HS3ST5: variants seen among roughly 807,000 people sequenced by gnomAD.
HS3ST5 encodes the protein heparan sulfate glucosamine 3-O-sulfotransferase 5.
Under a neutral mutation model 25.4 loss-of-function variants are expected in HS3ST5, and 10 were observed. That is an observed-to-expected ratio of 0.39 (90% CI 0.24 to 0.67). HS3ST5 has a LOEUF of 0.67. Among genes scored for constraint, HS3ST5 ranks in the 30% least tolerant of loss-of-function variants. HS3ST5 has a pLI of 0.44. For missense variants in HS3ST5, 324 were observed against 420.7 expected (o/e 0.77, Z 2.01); for synonymous variants, 170 against 162.4 (o/e 1.05, Z -0.36).
At chr6:114,086,529 G>C (rs1325971764) in intron 3 of HS3ST5, among the ~76,000 whole-genome samples, 2 of 152,168 alleles carry the variant, frequency 1.3e-5, no homozygotes, top group East Asian at 3.9e-4. Context: ...CCAGACGAGA[G>C]CACAATCCAC....
intron 3 of HS3ST5, among the ~76,000 whole-genome samples, chr6:114,064,979 A>G (rs1773365575): frequency 3.3e-5 from 5 of 152,146 alleles, no homozygotes; most frequent in Admixed American, 3.3e-4. Flanking sequence ...GTAGAGGGAA[A>G]GAGAGAAAGG....
intron 3 of HS3ST5, among the ~76,000 whole-genome samples, chr6:114,121,343 G>A (rs1031803099): frequency 2.0e-5 from 3 of 152,054 alleles, no homozygotes; most frequent in Non-Finnish European, 2.9e-5. Context: ...CTCCTAGGAC[G>A]TCCAAAAGAC....
chr6:114,298,557 C>T (rs751594606), intron 1 of HS3ST5, among the ~76,000 whole-genome samples: 6 of 152,208 alleles, frequency 3.9e-5, no homozygotes, highest in Non-Finnish European at 8.8e-5. Flanking sequence ...TGCCCAAACT[C>T]ATACGGCCAA....
At chr6:114,293,538 A>C (rs1170858686) in intron 1 of HS3ST5, among the ~76,000 whole-genome samples, 1 of 152,202 alleles carries the variant, frequency 6.6e-6, no homozygotes, top group African/African-American at 2.4e-5. Flanking sequence ...TGTTGTAGTA[A>C]AATGAGTAGG....
chr6:114,270,366 T>A (rs947356277), intron 1 of HS3ST5, among the ~76,000 whole-genome samples: 1 of 152,022 alleles, frequency 6.6e-6, no homozygotes, highest in Admixed American at 6.6e-5. Context: ...AAGGAACTTT[T>A]AAAAAAAATC....
chr6:114,202,434 T>C (rs571874676), intron 2 of HS3ST5, among the ~76,000 whole-genome samples: 46 of 152,288 alleles, frequency 3.0e-4, no homozygotes, highest in Non-Finnish European at 3.5e-4. Context: ...ATAAGTACCA[T>C]GAAGGCAGGA....
intron 3 of HS3ST5, chr6:114,084,831 TTC>T: frequency 1.6e-6 from 1 of 622,570 alleles, no homozygotes. Context: ...TTCTTTTCTT[TTC>T]TTTTTTTTTT....
At position 114,057,542 on chromosome 6, in the gene HS3ST5, G is replaced by A. The variant is rs1482519533; in HGVS notation, c.756C>T (p.Val252=). 15 of 1,614,142 alleles carry A rather than the reference G, an allele frequency of 9.3e-6. No homozygotes were observed. The highest frequency in any genetic ancestry group is 9.3e-6 in the Non-Finnish European group (11 of 1,180,028). The part of the protein sequence containing the change: ...LKYFPIEQFH[V]VDGDRLITEP... ...CCGTGATGAGGCGATCTCCATCGAC[G>A]ACATGAAATTGCTCAATTGGAAAGT... Residue 252 remains valine, a synonymous_variant, in exon 5 of 5, where the codon GTC becomes GTT. Transcript: ENST00000312719.
At chr6:114,305,569 T>C (rs1027693907) in intron 1 of HS3ST5, among the ~76,000 whole-genome samples, 2 of 152,124 alleles carry the variant, frequency 1.3e-5, no homozygotes, top group Non-Finnish European at 2.9e-5. Flanking sequence ...AGTAAAAGTA[T>C]CTTATGTGTA....
Position 114,066,540 on chromosome 6 carries a change from G to A in HS3ST5, c.-32-3663C>T, listed in dbSNP as rs1192149357. ...CCCAGCTACTCTGGAGGCTGAGGTG[G>A]GAGAATCACTTGAACCCGGGAGGCG... On this transcript the variant is annotated intron_variant, in intron 3 of 4. Transcript: ENST00000312719. Among the ~76,000 whole-genome samples, 4 of 152,108 alleles carry A rather than the reference G, an allele frequency of 2.6e-5. 1 individual carries two copies. Among genetic ancestry groups the A allele is most frequent in the Admixed American group, 2.0e-4 (3 of 15,272 alleles).
intron 3 of HS3ST5, among the ~76,000 whole-genome samples, chr6:114,166,521 A>G (rs2114994230): frequency 1.3e-5 from 2 of 152,324 alleles, no homozygotes; most frequent in East Asian, 3.9e-4. Flanking sequence ...TATAAATTGT[A>G]TAGCTTACTT....
chr6:114,109,866 G>C (rs1276959890), intron 3 of HS3ST5, among the ~76,000 whole-genome samples: 1 of 152,190 alleles, frequency 6.6e-6, no homozygotes. Flanking sequence ...TACAACAAGG[G>C]ACAGTGCAGA....
intron 2 of HS3ST5, among the ~76,000 whole-genome samples, chr6:114,188,918 GT>G (rs1193837691): frequency 6.6e-6 from 1 of 152,086 alleles, no homozygotes; most frequent in African/African-American, 2.4e-5. Flanking sequence ...CCTTCTGCCT[GT>G]TTCCATTCAA....
At chr6:114,226,042 A>C (rs944996796) in intron 2 of HS3ST5, among the ~76,000 whole-genome samples, 2 of 151,980 alleles carry the variant, frequency 1.3e-5, no homozygotes, top group African/African-American at 4.8e-5. Context: ...AATGAACAAA[A>C]TCGTAGGCCA....
At chr6:114,226,834 A>G (rs2114515772) in intron 2 of HS3ST5, among the ~76,000 whole-genome samples, 1 of 152,152 alleles carries the variant, frequency 6.6e-6, no homozygotes, top group African/African-American at 2.4e-5. Flanking sequence ...ATTCACTTCA[A>G]GACACAATTC....
At chr6:114,268,388 G>A (rs1334315014) in intron 1 of HS3ST5, among the ~76,000 whole-genome samples, 1 of 152,138 alleles carries the variant, frequency 6.6e-6, no homozygotes, top group Non-Finnish European at 1.5e-5. Flanking sequence ...TTGAGGAATA[G>A]AAAATAACTA....
At chr6:114,213,086 C>T (rs1275531008) in intron 2 of HS3ST5, among the ~76,000 whole-genome samples, 1 of 152,030 alleles carries the variant, frequency 6.6e-6, no homozygotes, top group East Asian at 1.9e-4. Flanking sequence ...GAAAGTGGCT[C>T]TCAGCGGGAT....
At chr6:114,097,040 G>A (rs1487441695) in intron 3 of HS3ST5, among the ~76,000 whole-genome samples, 2 of 151,544 alleles carry the variant, frequency 1.3e-5, no homozygotes, top group Non-Finnish European at 2.9e-5. Context: ...AATAAAAAGG[G>A]GAAAAAAAGA....
At chr6:114,184,054 CTTTTTTTTTTTTTTTTT>C (rs34370810) in intron 2 of HS3ST5, among the ~76,000 whole-genome samples, 2 of 78,688 alleles carry the variant, frequency 2.5e-5, no homozygotes, top group South Asian at 5.8e-4. Flanking sequence ...TTTTTCCTTT[CTTTTTTTTTTTTTTTTT>C]TTTTTTTTTG....
Sources: gnomAD v4.1 joint callset for allele counts (sites outside exome capture counted in the v4.1 genomes callset) on GRCh38, gnomAD v4.1.1 for gene constraint, MANE v1.5 for transcripts, NCBI Gene and HGNC (gene_info 2026-07-23, HGNC 2026-07-21) for gene names.